The following PDE11A variants were observed in gnomAD, a reference collection of about 807,000 sequenced individuals.
PDE11A encodes dual 3',5'-cyclic-AMP and -GMP phosphodiesterase 11A.
A neutral mutation model predicts 100.5 loss-of-function variants in PDE11A; 100 were observed. That is an observed-to-expected ratio of 1.00 (90% CI 0.85 to 1.18). The LOEUF (loss-of-function observed/expected upper bound fraction) is 1.18, where lower values mean the gene tolerates loss of function less well. Among genes scored for constraint, PDE11A ranks in the 50% most tolerant of loss-of-function variants. PDE11A has a pLI of 0.00. For synonymous variants in PDE11A, 381 were observed against 420.8 expected, an observed-to-expected ratio of 0.91 and a Z score of 1.16; for missense variants, 1,141 against 1,152.6, an observed-to-expected ratio of 0.99 and a Z score of 0.15.
chr2:177,735,782 T>G (rs1231795736), intron 10 of PDE11A, among the ~76,000 whole-genome samples: 2 of 152,222 alleles, frequency 1.3e-5, no homozygotes, highest in Non-Finnish European at 2.9e-5. Flanking sequence ...TGGACCACAG[T>G]GCAGGCGCCT....
intron 15 of PDE11A, chr2:177,688,334 TA>T (rs2105518033): frequency 6.6e-6 from 1 of 152,352 alleles, no homozygotes; most frequent in East Asian, 1.9e-4. Context: ...TAATAATCAT[TA>T]CAAAGTAACA....
intron 2 of PDE11A, among the ~76,000 whole-genome samples, chr2:177,995,703 AT>A (rs2086064594): frequency 6.7e-6 from 1 of 150,202 alleles, no homozygotes; most frequent in Non-Finnish European, 1.5e-5. Context: ...TTATACAATA[AT>A]TTTGATTAAT....
intron 6 of PDE11A, among the ~76,000 whole-genome samples, chr2:177,827,633 T>C (rs930399965): frequency 6.6e-6 from 1 of 152,198 alleles, no homozygotes; most frequent in African/African-American, 2.4e-5. Context: ...TGTTTTGCAT[T>C]AGTGTATTTA....
At chr2:178,015,978 C>A (rs1266452389) in intron 1 of PDE11A, among the ~76,000 whole-genome samples, 1 of 151,900 alleles carries the variant, frequency 6.6e-6, no homozygotes, top group East Asian at 1.9e-4. Flanking sequence ...GCACTGGTGC[C>A]TATGCTATGC....
At chr2:177,692,397 T>C (rs1009861228) in intron 15 of PDE11A, among the ~76,000 whole-genome samples, 2 of 152,192 alleles carry the variant, frequency 1.3e-5, no homozygotes, top group Admixed American at 1.3e-4. Flanking sequence ...TTCCTTTTTT[T>C]ATAAGGTACT....
intron 2 of PDE11A, among the ~76,000 whole-genome samples, chr2:177,987,484 A>G (rs1054154953): frequency 3.3e-5 from 5 of 152,230 alleles, no homozygotes; most frequent in African/African-American, 9.6e-5. Flanking sequence ...AATGATACAT[A>G]CCAAATTGGG....
At chr2:178,097,094 G>A (rs1574397051) in intron 2 of PDE11A, among the ~76,000 whole-genome samples, 1 of 152,130 alleles carries the variant, frequency 6.6e-6, no homozygotes, top group East Asian at 1.9e-4. Context: ...CACCGTGTTA[G>A]CCAGGATGGT....
chr2:177,807,818 A>G (rs2082895008), intron 9 of PDE11A, among the ~76,000 whole-genome samples: 1 of 152,172 alleles, frequency 6.6e-6, no homozygotes, highest in Admixed American at 6.5e-5. Flanking sequence ...ACTAATCTTT[A>G]TCCTCATACC....
chr2:177,860,260 G>C (rs2083923433), intron 5 of PDE11A, among the ~76,000 whole-genome samples: 1 of 150,440 alleles, frequency 6.6e-6, no homozygotes, highest in African/African-American at 2.4e-5. Context: ...ACTAAGATAA[G>C]AAACGAAAGA....
intron 7 of PDE11A, among the ~76,000 whole-genome samples, 170 bp downstream of exon 7, chr2:177,820,050 A>G (rs1295560907): frequency 6.6e-6 from 1 of 151,880 alleles, no homozygotes; most frequent in African/African-American, 2.4e-5. Flanking sequence ...GTTGTGGATA[A>G]TGTTGATTCA....
intron 2 of PDE11A, among the ~76,000 whole-genome samples, chr2:177,972,034 A>T (rs947423232): frequency 1.3e-5 from 2 of 152,234 alleles, no homozygotes; most frequent in Non-Finnish European, 2.9e-5. Context: ...TTCCTCACTT[A>T]GATGAAAGTG....
chr2:177,719,795 T>C (rs1257767247), intron 12 of PDE11A, among the ~76,000 whole-genome samples: 1 of 152,106 alleles, frequency 6.6e-6, no homozygotes, highest in Non-Finnish European at 1.5e-5. Flanking sequence ...ATTATTAAAA[T>C]CACATTTATT....
intron 12 of PDE11A, among the ~76,000 whole-genome samples, chr2:177,714,194 T>C (rs10179821): frequency 0.23 from 35,595 of 151,626 alleles, 6,017 homozygotes; most frequent in African/African-American, 0.48. Flanking sequence ...GGGGTTTCAC[T>C]GTGTTAGCCA....
At chr2:177,851,648 A>G (rs1253125631) in intron 5 of PDE11A, among the ~76,000 whole-genome samples, 1 of 152,220 alleles carries the variant, frequency 6.6e-6, no homozygotes, top group Admixed American at 6.5e-5. Flanking sequence ...GGAAGAGGCC[A>G]ACCAATATAT....
intron 1 of PDE11A, among the ~76,000 whole-genome samples, chr2:178,025,023 A>G (rs2086461889): frequency 6.6e-6 from 1 of 152,224 alleles, no homozygotes; most frequent in East Asian, 1.9e-4. Flanking sequence ...TGGCAACTAC[A>G]TAGCTCATTC....
rs2080529324 is a variant in PDE11A, at chr2:177,663,964, A to C, written c.2563-15T>G. The C allele has an allele frequency of 6.4e-7, 1 of 1,564,528 alleles. No individual in the cohort carries two copies. Among genetic ancestry groups the C allele is most frequent in the South Asian group, 1.1e-5 (1 of 90,012 alleles). ...TCAAAAATTGCCTAGAATGGGGGGC[A>C]GGAAGAACCTCGCTTTATTACACCA... On this transcript the variant is annotated splice_polypyrimidine_tract_variant and intron_variant, in intron 18 of 19. Coordinates refer to ENST00000286063, the MANE Select transcript of PDE11A (RefSeq NM_016953.4).
intron 3 of PDE11A, among the ~76,000 whole-genome samples, chr2:177,902,003 A>G (rs535484694): frequency 6.6e-6 from 1 of 152,334 alleles, no homozygotes; most frequent in Admixed American, 6.5e-5. Flanking sequence ...AGTTTTACAA[A>G]TAACAATGCA....
chr2:177,658,318 A>T (rs1008629797), intron 19 of PDE11A, among the ~76,000 whole-genome samples: 1 of 152,198 alleles, frequency 6.6e-6, no homozygotes, highest in African/African-American at 2.4e-5. Context: ...TTTAAATAAT[A>T]GTCCCTGAAT....
chr2:178,067,611 C>T (rs2087064987), intron 1 of PDE11A, among the ~76,000 whole-genome samples: 1 of 152,170 alleles, frequency 6.6e-6, no homozygotes, highest in Non-Finnish European at 1.5e-5. Flanking sequence ...ATGGTGCCTC[C>T]TCCATGAAGT....
Sources: gnomAD v4.1 joint callset for allele counts (sites outside exome capture counted in the v4.1 genomes callset) on GRCh38, gnomAD v4.1.1 for gene constraint, MANE v1.5 for transcripts, NCBI Gene and HGNC (gene_info 2026-07-23, HGNC 2026-07-21) for gene names.